FAT3: variants seen among roughly 807,000 people sequenced by gnomAD.
FAT3 encodes the protein protocadherin Fat 3.
A neutral mutation model predicts 310.2 loss-of-function variants in FAT3; 95 were observed. The ratio of observed to expected loss-of-function variants is 0.31; its 90% CI spans 0.26 to 0.36. The LOEUF (loss-of-function observed/expected upper bound fraction) is 0.36, where lower values mean the gene tolerates loss of function less well. FAT3 is among the 10% of genes least tolerant of loss of function. The pLI is 1.00. For missense variants in FAT3, 5,408 were observed against 5,715.6 expected (o/e 0.95, Z 1.74); for synonymous variants, 2,314 against 2,192.9 (o/e 1.06, Z -1.54).
At chr11:92,821,842 G>C (rs1947976183) in intron 13 of FAT3, among the ~76,000 whole-genome samples, 1 of 152,126 alleles carries the variant, frequency 6.6e-6, no homozygotes, top group Non-Finnish European at 1.5e-5. Context: ...CCTCCTACCA[G>C]TGTTAGGACA....
intron 2 of FAT3, among the ~76,000 whole-genome samples, chr11:92,398,295 G>T (rs1029640876): frequency 7.9e-5 from 12 of 152,018 alleles, no homozygotes; most frequent in Non-Finnish European, 1.5e-4. Flanking sequence ...GAGGTCAGGA[G>T]TTCAAGACCA....
intron 4 of FAT3, among the ~76,000 whole-genome samples, chr11:92,713,731 A>G (rs1944594575): frequency 1.3e-5 from 2 of 152,228 alleles, no homozygotes; most frequent in Non-Finnish European, 2.9e-5. Flanking sequence ...CTAGTTAAAA[A>G]GACCAATATT....
At chr11:92,748,571 A>T (rs1042476679) in intron 4 of FAT3, among the ~76,000 whole-genome samples, 1 of 151,932 alleles carries the variant, frequency 6.6e-6, no homozygotes, top group African/African-American at 2.4e-5. Context: ...AAACCATTCC[A>T]CAAGTTTATT....
intron 1 of FAT3, among the ~76,000 whole-genome samples, chr11:92,308,521 T>C (rs1031525920): frequency 1.3e-5 from 2 of 152,162 alleles, no homozygotes; most frequent in Admixed American, 6.6e-5. Flanking sequence ...TGAAAGTTAT[T>C]GTGCAAACTA....
intron 3 of FAT3, among the ~76,000 whole-genome samples, chr11:92,647,306 G>A (rs1324398587): frequency 6.6e-6 from 1 of 152,028 alleles, no homozygotes. Context: ...ATATAGTTTA[G>A]GTAGGATTCA....
intron 2 of FAT3, among the ~76,000 whole-genome samples, chr11:92,476,258 C>T (rs1952050498): frequency 6.6e-6 from 1 of 152,056 alleles, no homozygotes; most frequent in Non-Finnish European, 1.5e-5. Context: ...GTTGAAGCCA[C>T]CTGAAAGCAA....
At chr11:92,646,623 A>G (rs1942178078) in intron 3 of FAT3, among the ~76,000 whole-genome samples, 1 of 152,244 alleles carries the variant, frequency 6.6e-6, no homozygotes, top group Non-Finnish European at 1.5e-5. Context: ...TCTCACATTA[A>G]TGCAGAGTAA....
chr11:92,677,762 G>T (rs2135846739), intron 3 of FAT3, among the ~76,000 whole-genome samples: 1 of 152,248 alleles, frequency 6.6e-6, no homozygotes, highest in East Asian at 1.9e-4. Flanking sequence ...CAGGTTATTG[G>T]TGTTTTGAAC....
intron 5 of FAT3, among the ~76,000 whole-genome samples, chr11:92,763,239 C>A (rs1025153685): frequency 6.6e-6 from 1 of 151,926 alleles, no homozygotes; most frequent in Admixed American, 6.6e-5. Context: ...TTATTTTAAA[C>A]GATGGCCTGA....
At chr11:92,425,112 T>C (rs1364412913) in intron 2 of FAT3, among the ~76,000 whole-genome samples, 1 of 152,206 alleles carries the variant, frequency 6.6e-6, no homozygotes, top group Non-Finnish European at 1.5e-5. Context: ...CTTTTTGGAA[T>C]CTTTGGGTTT....
intron 2 of FAT3, among the ~76,000 whole-genome samples, chr11:92,436,704 C>T (rs974923997): frequency 6.6e-6 from 1 of 152,188 alleles, no homozygotes; most frequent in African/African-American, 2.4e-5. Context: ...AAGCCTCTGG[C>T]TCGATGCCCT....
At chr11:92,482,778 C>T (rs558330466) in intron 2 of FAT3, among the ~76,000 whole-genome samples, 5 of 152,314 alleles carry the variant, frequency 3.3e-5, no homozygotes, top group Middle Eastern at 3.4e-3. Flanking sequence ...TCCTCAACTA[C>T]ATATTCGCCT....
chr11:92,368,897 CACACATATATATAT>C (rs1190946367), intron 2 of FAT3, among the ~76,000 whole-genome samples: 1 of 123,220 alleles, frequency 8.1e-6, no homozygotes, highest in Non-Finnish European at 1.5e-5. Flanking sequence ...TATATACACA[CACACATATATATAT>C]ACACATATAT....
chr11:92,608,263 G>A (rs934373033), intron 3 of FAT3, among the ~76,000 whole-genome samples: 2 of 152,074 alleles, frequency 1.3e-5, no homozygotes, highest in African/African-American at 4.8e-5. Context: ...TTTCTAGTGA[G>A]TTGTTTGAGG....
intron 18 of FAT3, 74 bp from the exon 19 acceptor site, chr11:92,843,860 A>G (rs1948609223): frequency 2.9e-6 from 4 of 1,366,488 alleles, no homozygotes; most frequent in South Asian, 1.4e-5. Context: ...GACGTCTTCT[A>G]TCTGCGGGTT....
intron 2 of FAT3, among the ~76,000 whole-genome samples, chr11:92,477,542 C>G (rs773532254): frequency 1.3e-5 from 2 of 152,180 alleles, no homozygotes; most frequent in African/African-American, 4.8e-5. Flanking sequence ...TATTATCTCA[C>G]TGGAATCAAC....
At chr11:92,598,313 T>C (rs1939829548) in intron 3 of FAT3, among the ~76,000 whole-genome samples, 1 of 151,372 alleles carries the variant, frequency 6.6e-6, no homozygotes, top group Admixed American at 6.6e-5. Context: ...TTCAGCCTTG[T>C]ATCCTGGGCT....
At chr11:92,719,312 A>G (rs1170078113) in intron 4 of FAT3, among the ~76,000 whole-genome samples, 1 of 152,098 alleles carries the variant, frequency 6.6e-6, no homozygotes. Context: ...CCCTTACCCT[A>G]GATTTTCTCA....
chr11:92,396,247 C>T (rs1949866395), intron 2 of FAT3, among the ~76,000 whole-genome samples: 4 of 152,114 alleles, frequency 2.6e-5, no homozygotes, highest in Non-Finnish European at 5.9e-5. Context: ...CATGAATCTA[C>T]TTTGTTCTGA....
Sources: gnomAD v4.1 joint callset for allele counts (sites outside exome capture counted in the v4.1 genomes callset) on GRCh38, gnomAD v4.1.1 for gene constraint, MANE v1.5 for transcripts, NCBI Gene and HGNC (gene_info 2026-07-23, HGNC 2026-07-21) for gene names.